The following UBE2G1 variants were observed in gnomAD, a reference collection of about 807,000 sequenced individuals.
UBE2G1 encodes the protein ubiquitin-conjugating enzyme E2 G1.
A neutral mutation model predicts 22.7 loss-of-function variants in UBE2G1; 5 were observed. The observed-to-expected ratio is 0.22, with a 90% CI of 0.12 to 0.46. The LOEUF is 0.46. Ranked by LOEUF, UBE2G1 falls within the 20% of genes least tolerant of loss-of-function variation. The pLI is 0.99. For missense variants in UBE2G1, 88 were observed against 203.9 expected (o/e 0.43, Z 3.46); for synonymous variants, 74 against 67.5 (o/e 1.10, Z -0.47).
At chr17:4,347,523 G>A (rs914131018) in intron 1 of UBE2G1, among the ~76,000 whole-genome samples, 6 of 128,990 alleles carry the variant, frequency 4.7e-5, no homozygotes, top group Admixed American at 1.9e-4. Flanking sequence ...CACCCAGACT[G>A]GAGTGCAGTG....
rs375090862 is a variant in UBE2G1, at chr17:4,328,588, C to T, written c.47-21465G>A. 2.0e-4 allele frequency among the ~76,000 whole-genome samples: 30 copies of T among 152,282 alleles called. 1 individual carries two copies. Among genetic ancestry groups the T allele is most frequent in the Admixed American group, 1.6e-3 (24 of 15,294 alleles). On this transcript the variant is annotated intron_variant, in intron 1 of 5. Coordinates refer to ENST00000396981, the MANE Select transcript of UBE2G1 (RefSeq NM_003342.5). ...CTTGCTCCTTAGCTTCTTTTGCATT[C>T]CTCTACATCTTATTCCATTTACAAG...
intron 2 of UBE2G1, among the ~76,000 whole-genome samples, chr17:4,299,150 T>C (rs1443888246): frequency 1.3e-5 from 2 of 152,228 alleles, no homozygotes; most frequent in African/African-American, 4.8e-5. Context: ...ATATAATCTA[T>C]GTATGTGTTT....
At chr17:4,359,851 C>CAAA (rs35941094) in intron 1 of UBE2G1, among the ~76,000 whole-genome samples, 4 of 107,560 alleles carry the variant, frequency 3.7e-5, no homozygotes, top group African/African-American at 2.9e-5. Flanking sequence ...GGCTCCATCT[C>CAAA]AAAAAAAAAA....
At chr17:4,364,817 G>A (rs1223015910) in intron 1 of UBE2G1, among the ~76,000 whole-genome samples, 3 of 141,810 alleles carry the variant, frequency 2.1e-5, no homozygotes, top group African/African-American at 5.3e-5. Flanking sequence ...CCTGTCCTAA[G>A]GTGATCCGCC....
At chr17:4,363,745 G>T (rs545613442) in intron 1 of UBE2G1, among the ~76,000 whole-genome samples, 2 of 151,882 alleles carry the variant, frequency 1.3e-5, no homozygotes, top group South Asian at 4.2e-4. Flanking sequence ...GAGGTCAGGA[G>T]ATCAAGACCA....
chr17:4,324,606 A>G (rs1969479494), intron 1 of UBE2G1, among the ~76,000 whole-genome samples: 1 of 152,094 alleles, frequency 6.6e-6, no homozygotes, highest in South Asian at 2.1e-4. Flanking sequence ...AAAGTGAGAT[A>G]GGGGTCTCAC....
At chr17:4,321,441 TTGAG>T (rs1162595320) in intron 1 of UBE2G1, among the ~76,000 whole-genome samples, 32 of 152,044 alleles carry the variant, frequency 2.1e-4, no homozygotes, top group African/African-American at 7.5e-4. Flanking sequence ...TTTTTTTACA[TTGAG>T]TGATTCTCTT....
intron 1 of UBE2G1, among the ~76,000 whole-genome samples, chr17:4,310,401 GA>G: frequency 6.6e-6 from 1 of 152,280 alleles, no homozygotes; most frequent in East Asian, 1.9e-4. Context: ...TGAAGAATAA[GA>G]AAAGGCTTCT....
chr17:4,271,740 A>T lies in UBE2G1; in HGVS notation c.*814T>A, dbSNP rs552255704. ...TTTGCTATTGTTTGGGGAAATTTTCAGTAAGTTGAATTAAGAACCATCTAT... is the reference window on the plus strand; with the variant it reads ...TTTGCTATTGTTTGGGGAAATTTTCTGTAAGTTGAATTAAGAACCATCTAT... On this transcript the variant is annotated 3_prime_UTR_variant, in exon 6 of 6. Coordinates refer to ENST00000396981, the MANE Select transcript of UBE2G1 (RefSeq NM_003342.5). 2.1e-3 allele frequency: 316 copies of T among 149,374 alleles called. 1 individual carries two copies. The highest frequency in any genetic ancestry group is 7.5e-3 in the African/African-American group (302 of 40,308). The allele number at this position is 149,374 out of a possible 1,614,324, so 9.3% of individuals were successfully genotyped here. A position where few individuals can be genotyped will look rare whatever the true frequency, so the allele number is the denominator to read the frequency against.
intron 1 of UBE2G1, among the ~76,000 whole-genome samples, chr17:4,330,343 C>G (rs1023436876): frequency 1.3e-5 from 2 of 152,276 alleles, no homozygotes; most frequent in Admixed American, 1.3e-4. Flanking sequence ...GCTATCTTCA[C>G]ATTTTGCATA....
rs572359966 is a variant in UBE2G1, at chr17:4,293,390, T to C, written c.247+3327A>G. Among the ~76,000 whole-genome samples the C allele has an allele frequency of 4.1e-4, 63 of 152,382 alleles. No individual in the cohort carries two copies. The South Asian group carries it at 4.6e-3, about 11-fold the overall frequency. On this transcript the variant is annotated intron_variant, in intron 3 of 5. Transcript: ENST00000396981. ...TTTATTGCCAAATAATATTCCGTTATATGGGTCCACATTTTGTTTTTCTAT... is the reference window on the plus strand; with the variant it reads ...TTTATTGCCAAATAATATTCCGTTACATGGGTCCACATTTTGTTTTTCTAT...
intron 1 of UBE2G1, among the ~76,000 whole-genome samples, chr17:4,327,254 G>A (rs1006394115): frequency 4.6e-5 from 7 of 152,098 alleles, no homozygotes; most frequent in Non-Finnish European, 7.4e-5. Flanking sequence ...CCGAGATCGC[G>A]CCACTGCACT....
intron 5 of UBE2G1, among the ~76,000 whole-genome samples, chr17:4,281,263 G>A (rs949887804): frequency 3.9e-5 from 6 of 152,114 alleles, no homozygotes; most frequent in Non-Finnish European, 7.4e-5. Flanking sequence ...AGAATATTGA[G>A]CAATAAAAGT....
intron 1 of UBE2G1, among the ~76,000 whole-genome samples, chr17:4,361,014 G>A (rs1221570684): frequency 6.6e-6 from 1 of 152,206 alleles, no homozygotes; most frequent in Non-Finnish European, 1.5e-5. Flanking sequence ...CCTGAGGTCA[G>A]GAGTTCAAGA....
chr17:4,302,798 T>A (rs1327390050), intron 2 of UBE2G1: 1 of 181,872 alleles, frequency 5.5e-6, no homozygotes, highest in East Asian at 1.6e-4. Flanking sequence ...AGAAAAAAAA[T>A]AATGGAATGG....
At chr17:4,307,597 T>C (rs939724386) in intron 1 of UBE2G1, among the ~76,000 whole-genome samples, 1 of 152,238 alleles carries the variant, frequency 6.6e-6, no homozygotes, top group Non-Finnish European at 1.5e-5. Context: ...CCTATTTGAC[T>C]TGTCCCTGTA....
intron 1 of UBE2G1, among the ~76,000 whole-genome samples, chr17:4,312,711 A>AAC (rs914717293): frequency 6.6e-6 from 1 of 151,290 alleles, no homozygotes; most frequent in African/African-American, 2.4e-5. Flanking sequence ...AAAAAAAAAA[A>AAC]AAAACAAAAG....
chr17:4,361,200 G>A (rs990885409), intron 1 of UBE2G1, among the ~76,000 whole-genome samples: 2 of 151,906 alleles, frequency 1.3e-5, no homozygotes, highest in Non-Finnish European at 2.9e-5. Flanking sequence ...TCCAGACTGG[G>A]TGACAGAACA....
At chr17:4,323,117 A>G (rs764755622) in intron 1 of UBE2G1, among the ~76,000 whole-genome samples, 5 of 152,232 alleles carry the variant, frequency 3.3e-5, no homozygotes, top group African/African-American at 4.8e-5. Flanking sequence ...TAAAGGAGAA[A>G]TATTGGAAAG....
Sources: gnomAD v4.1 joint callset for allele counts (sites outside exome capture counted in the v4.1 genomes callset) on GRCh38, gnomAD v4.1.1 for gene constraint, MANE v1.5 for transcripts, NCBI Gene and HGNC (gene_info 2026-07-23, HGNC 2026-07-21) for gene names.